The following ZNF787 variants were observed in gnomAD, a reference collection of about 807,000 sequenced individuals.
The protein encoded by ZNF787 is zinc finger protein 787, also known as TTF-I-interacting peptide 20.
In ZNF787, 7 loss-of-function variants were observed where a neutral mutation model predicts 16.9. That is an observed-to-expected ratio of 0.42 (90% CI 0.24 to 0.78). The LOEUF (loss-of-function observed/expected upper bound fraction) is 0.78. Among genes scored for constraint, ZNF787 ranks in the 30% least tolerant of loss-of-function variants. ZNF787 has a pLI of 0.30. For synonymous variants in ZNF787, 345 were observed against 270.9 expected, an observed-to-expected ratio of 1.27 and a Z score of -2.69; for missense variants, 551 against 589.3, an observed-to-expected ratio of 0.94 and a Z score of 0.67.
intron 2 of ZNF787, chr19:56,102,677 T>C: frequency 1.8e-6 from 1 of 548,354 alleles, no homozygotes; most frequent in South Asian, 2.6e-5. Context: ...ACTCCTGAGC[T>C]TTCCCTGAAA....
chr19:56,094,149 G>A (rs1008947739), intron 2 of ZNF787, among the ~76,000 whole-genome samples: 2 of 150,500 alleles, frequency 1.3e-5, no homozygotes, highest in Non-Finnish European at 2.9e-5. Context: ...TCAGCCTCCC[G>A]AGTAGCAGGG....
intron 1 of ZNF787, among the ~76,000 whole-genome samples, chr19:56,120,407 A>G (rs1404876312): frequency 6.6e-6 from 1 of 152,096 alleles, no homozygotes; most frequent in East Asian, 1.9e-4. Context: ...AGGAGTCGCC[A>G]CCCGATCCAG....
At chr19:56,100,607 G>C (rs62122445) in intron 2 of ZNF787, among the ~76,000 whole-genome samples, 17,218 of 152,050 alleles carry the variant, frequency 0.11, 1,309 homozygotes, top group East Asian at 0.32. Context: ...TAGAGGAAAA[G>C]GGACCACACA....
intron 2 of ZNF787, among the ~76,000 whole-genome samples, chr19:56,097,987 T>A (rs1985934123): frequency 6.6e-6 from 1 of 152,138 alleles, no homozygotes; most frequent in Non-Finnish European, 1.5e-5. Context: ...AAGCCCGGCC[T>A]GCTAAGCCCA....
intron 2 of ZNF787, among the ~76,000 whole-genome samples, chr19:56,096,049 C>G (rs1985854906): frequency 6.6e-6 from 1 of 152,032 alleles, no homozygotes; most frequent in Non-Finnish European, 1.5e-5. Flanking sequence ...TGCAGGGATA[C>G]AGGAGATTCA....
intron 1 of ZNF787, chr19:56,105,280 G>A (rs902976109): frequency 6.6e-6 from 1 of 152,128 alleles, no homozygotes; most frequent in African/African-American, 2.4e-5. Context: ...GCCAGGTGGA[G>A]CTGTGGCAAA....
Position 56,088,152 on chromosome 19 carries a change from C to G in ZNF787, c.1020G>C (p.Ala340=), listed in dbSNP as rs748834909. The G allele has an allele frequency of 7.7e-6, 12 of 1,555,000 alleles. No individual in the cohort carries two copies. In the East Asian group the frequency reaches 1.3e-4, roughly 17 times the overall value. ...TGCTGCAGACCGAGGGCGCGCCCAC[C>G]GCGTGGATCTTCTTGTGTCTCCGGA... The part of the protein sequence containing the change: ...AALRRHKKIH[A]VGAPSVCSSC... Residue 340 remains alanine, a synonymous_variant, in exon 3 of 3, where the codon GCG becomes GCC. Transcript: ENST00000610935. The surrounding 1 kb of genome is among the most constrained non-coding windows in gnomAD (Gnocchi z 8.6).
At position 56,090,414 on chromosome 19, in the gene ZNF787, C is replaced by T. The variant is rs374428437; in HGVS notation, c.80-1322G>A. Reference sequence around the variant, plus strand: ...ACAGCCATCTACCACTAACTGCGGCCGCCCACCGCTAAATCCCCCACCCAC... The same window carrying T: ...ACAGCCATCTACCACTAACTGCGGCTGCCCACCGCTAAATCCCCCACCCAC... On this transcript the variant is annotated intron_variant, in intron 2 of 2. Coordinates refer to ENST00000610935, the MANE Select transcript of ZNF787 (RefSeq NM_001002836.4). Among the ~76,000 whole-genome samples, 6 of 152,234 alleles carry T rather than the reference C, an allele frequency of 3.9e-5. No homozygotes were observed. The South Asian group carries it at 1.0e-3, about 26-fold the overall frequency.
Position 56,088,173 on chromosome 19 carries a change from C to A in ZNF787, c.999G>T (p.Arg333=). The change falls in exon 3 of 3, where the codon CGG becomes CGT. Residue 333 remains arginine, a synonymous_variant. Coordinates refer to ENST00000610935, the MANE Select transcript of ZNF787 (RefSeq NM_001002836.4). The surrounding 1 kb of genome is among the most constrained non-coding windows in gnomAD (Gnocchi z 8.6). ...CCACCGCGTGGATCTTCTTGTGTCT[C>A]CGGAGCGCGGCGCCCTGCACGAAGC... ...GEGFVQGAAL[R]RHKKIHAVGA... is the part of the protein sequence containing the mutation. 1 of 1,551,276 alleles carries A rather than the reference C, an allele frequency of 6.4e-7. No homozygotes were observed.
intron 1 of ZNF787, among the ~76,000 whole-genome samples, chr19:56,106,128 C>G (rs1986302506): frequency 6.6e-6 from 1 of 151,124 alleles, no homozygotes; most frequent in South Asian, 2.1e-4. Flanking sequence ...CGCGCATTCC[C>G]CCGCCGCGCC....
chr19:56,096,213 G>C (rs577007134), intron 2 of ZNF787, among the ~76,000 whole-genome samples: 86 of 115,128 alleles, frequency 7.5e-4, no homozygotes, highest in African/African-American at 2.2e-3. Context: ...GGGAAACATA[G>C]TGAGACCCCG....
intron 2 of ZNF787, among the ~76,000 whole-genome samples, chr19:56,097,461 G>A (rs1379798897): frequency 2.0e-5 from 3 of 152,184 alleles, no homozygotes; most frequent in South Asian, 2.1e-4. Flanking sequence ...TGAACTTCAC[G>A]CCCACCACAG....
chr19:56,115,839 A>C (rs1480225290), intron 1 of ZNF787, among the ~76,000 whole-genome samples: 1 of 152,200 alleles, frequency 6.6e-6, no homozygotes, highest in Non-Finnish European at 1.5e-5. Context: ...AGCCCGCAGG[A>C]CTTGGTGCCT....
Position 56,102,715 on chromosome 19 carries a change from C to T in ZNF787, c.79+424G>A, listed in dbSNP as rs1052534968. 1.3e-4 allele frequency: 71 copies of T among 559,598 alleles called. 1 individual carries two copies. The highest frequency in any genetic ancestry group is 9.4e-4 in the Middle Eastern group (2 of 2,118). 34.7% of individuals were successfully genotyped at this position (559,598 alleles called of 1,614,324 possible). ...TCGGCATCAGCCTGCGGGTTCCCTG[C>T]GCTCCTGGGCCACCCCTGGTGTAAG... On this transcript the variant is annotated intron_variant, in intron 2 of 2. Transcript: ENST00000610935.
chr19:56,119,340 G>T (rs2123436009), intron 1 of ZNF787, among the ~76,000 whole-genome samples: 1 of 152,304 alleles, frequency 6.6e-6, no homozygotes, highest in African/African-American at 2.4e-5. Context: ...GACAACTGAA[G>T]GGAAATTGAA....
intron 2 of ZNF787, among the ~76,000 whole-genome samples, chr19:56,099,262 G>A (rs368610782): frequency 2.6e-5 from 4 of 152,180 alleles, no homozygotes; most frequent in East Asian, 1.9e-4. Flanking sequence ...CCCCCAAGAC[G>A]GGACCCTCTG....
At chr19:56,107,946 C>G (rs942406220) in intron 1 of ZNF787, among the ~76,000 whole-genome samples, 8 of 151,440 alleles carry the variant, frequency 5.3e-5, no homozygotes, top group Non-Finnish European at 1.0e-4. Context: ...GCAGTACCTG[C>G]CGGGAGGACT....
In ZNF787 at chr19:56,087,392, T is replaced by C. The variant is rs1027392706; in HGVS notation, c.*631A>G. 8.6e-5 allele frequency: 13 copies of C among 151,974 alleles called. No homozygotes were observed. Among genetic ancestry groups the C allele is most frequent in the Non-Finnish European group, 4.4e-5 (3 of 68,112 alleles). 9.4% of individuals were successfully genotyped at this position (151,974 alleles called of 1,614,324 possible). ...ACATTTGGATAGTGCCGTTTATTGT[T>C]CCAGCACCCCTTCCTCCACCACGCC... On this transcript the variant is annotated 3_prime_UTR_variant, in exon 3 of 3. Transcript: ENST00000610935.
In ZNF787 at chr19:56,105,153, A is replaced by C. The variant is rs1159491400; in HGVS notation, c.-10-1926T>G. Among the ~76,000 whole-genome samples the C allele has an allele frequency of 2.0e-5, 3 of 149,968 alleles. No homozygotes were observed. The East Asian group carries it at 6.1e-4, about 30-fold the overall frequency. The stretch of plus-strand genomic sequence containing the variant: ...AATTTAAAATAAAATAAAATAAATA[A>C]ATAATAAAAAAATAAAATGAAACAG... On this transcript the variant is annotated intron_variant, in intron 1 of 2. Coordinates refer to ENST00000610935, the MANE Select transcript of ZNF787 (RefSeq NM_001002836.4).
Sources: allele counts gnomAD v4.1 joint callset (sites outside exome capture counted in the v4.1 genomes callset), GRCh38; gene constraint gnomAD v4.1.1; non-coding constraint Gnocchi (gnomAD v3.1); transcripts MANE v1.5; gene names NCBI Gene and HGNC (gene_info 2026-07-23, HGNC 2026-07-21).